Variants in LDLRAD4 observed in about 807,000 individuals in gnomAD.
The protein encoded by LDLRAD4 is low-density lipoprotein receptor class A domain-containing protein 4.
LDLRAD4 carries 5 observed loss-of-function variants against 17.0 expected under a neutral mutation model. The ratio of observed to expected loss-of-function variants is 0.29; its 90% CI spans 0.15 to 0.62. The LOEUF (loss-of-function observed/expected upper bound fraction) is 0.62, where lower values mean the gene tolerates loss of function less well. Among genes scored for constraint, LDLRAD4 ranks in the 20% least tolerant of loss-of-function variants. The probability of loss-of-function intolerance (pLI) is 0.84; values close to 1 mark genes in which losing one functional copy is unlikely to be tolerated. For synonymous variants in LDLRAD4, 168 were observed against 171.8 expected, an observed-to-expected ratio of 0.98 and a Z score of 0.17; for missense variants, 340 against 424.7, an observed-to-expected ratio of 0.80 and a Z score of 1.75.
intron 1 of LDLRAD4, among the ~76,000 whole-genome samples, chr18:13,329,929 A>G (rs1443663094): frequency 6.6e-6 from 1 of 150,590 alleles, no homozygotes; most frequent in Admixed American, 6.6e-5. Context: ...TTCTACATGT[A>G]TCCTTATCTG....
At chr18:13,595,002 A>G (rs541987222) in intron 3 of LDLRAD4, among the ~76,000 whole-genome samples, 3 of 152,024 alleles carry the variant, frequency 2.0e-5, no homozygotes, top group African/African-American at 7.2e-5. Context: ...TTCATTTCGT[A>G]CAAGTTATCT....
At chr18:13,268,013 C>A (rs1444582182) in intron 1 of LDLRAD4, among the ~76,000 whole-genome samples, 1 of 152,198 alleles carries the variant, frequency 6.6e-6, no homozygotes, top group Non-Finnish European at 1.5e-5. Context: ...CAACTACTAC[C>A]CCCAGTGCAC....
chr18:13,370,706 T>C (rs1195214479), intron 1 of LDLRAD4, among the ~76,000 whole-genome samples: 1 of 61,516 alleles, frequency 1.6e-5, no homozygotes, highest in Non-Finnish European at 3.5e-5. Flanking sequence ...TCATGGTTTT[T>C]TGTTTTGTTT....
intron 3 of LDLRAD4, among the ~76,000 whole-genome samples, chr18:13,562,441 T>A (rs568105271): frequency 1.2e-3 from 183 of 152,378 alleles, no homozygotes; most frequent in African/African-American, 3.8e-3. Context: ...TTACATTTTT[T>A]AAATTTTAAT....
intron 1 of LDLRAD4, among the ~76,000 whole-genome samples, chr18:13,281,749 C>T (rs1341744406): frequency 1.3e-5 from 2 of 152,162 alleles, no homozygotes; most frequent in Non-Finnish European, 2.9e-5. Flanking sequence ...TGGGACCCCT[C>T]TCTGTGTCTC....
chr18:13,512,930 C>T (rs1198517484), intron 3 of LDLRAD4, among the ~76,000 whole-genome samples: 2 of 152,200 alleles, frequency 1.3e-5, no homozygotes, highest in African/African-American at 4.8e-5. Context: ...CCTATCCTGT[C>T]TTCTCTCACT....
At chr18:13,609,338 G>A (rs1299492468) in intron 3 of LDLRAD4, among the ~76,000 whole-genome samples, 1 of 152,188 alleles carries the variant, frequency 6.6e-6, no homozygotes, top group Non-Finnish European at 1.5e-5. Flanking sequence ...CCTTTCTGAA[G>A]CACCATCTTC....
At chr18:13,548,206 A>G (rs2094391460) in intron 3 of LDLRAD4, among the ~76,000 whole-genome samples, 1 of 152,156 alleles carries the variant, frequency 6.6e-6, no homozygotes, top group South Asian at 2.1e-4. Flanking sequence ...GAAGGGAGGA[A>G]GTAGATGCTG....
chr18:13,299,615 A>G (rs1386663094), intron 1 of LDLRAD4, among the ~76,000 whole-genome samples: 2 of 152,212 alleles, frequency 1.3e-5, no homozygotes, highest in Non-Finnish European at 2.9e-5. Flanking sequence ...AGGTCGAGGC[A>G]GGAGGATCAC....
chr18:13,503,779 T>TA (rs751868220), intron 3 of LDLRAD4, among the ~76,000 whole-genome samples: 13 of 7,006 alleles, frequency 1.9e-3, no homozygotes, highest in East Asian at 8.5e-3. Context: ...GGCTCTTGTT[T>TA]TAAAAAAAAA....
At chr18:13,618,082 C>T (rs1285606032) in intron 3 of LDLRAD4, among the ~76,000 whole-genome samples, 2 of 152,242 alleles carry the variant, frequency 1.3e-5, no homozygotes, top group African/African-American at 4.8e-5. Context: ...AAGCAAGCCA[C>T]CTGAACAGCC....
intron 1 of LDLRAD4, among the ~76,000 whole-genome samples, chr18:13,225,149 T>C (rs184305882): frequency 1.3e-5 from 2 of 152,348 alleles, no homozygotes; most frequent in African/African-American, 4.8e-5. Flanking sequence ...AGTCTCTGTT[T>C]TGCTCCATGA....
intron 3 of LDLRAD4, among the ~76,000 whole-genome samples, chr18:13,601,369 A>C (rs1198128426): frequency 1.3e-5 from 2 of 152,238 alleles, no homozygotes; most frequent in Non-Finnish European, 2.9e-5. Context: ...CAAACATAGG[A>C]AAAAATGCTC....
chr18:13,316,847 AAAGT>A (rs1423905328), intron 1 of LDLRAD4, among the ~76,000 whole-genome samples: 3 of 152,222 alleles, frequency 2.0e-5, no homozygotes, highest in African/African-American at 7.2e-5. Flanking sequence ...AATCCAAAAG[AAAGT>A]AAGAAGGGAG....
intron 1 of LDLRAD4, among the ~76,000 whole-genome samples, chr18:13,235,509 C>T (rs2042291791): frequency 6.6e-6 from 1 of 152,210 alleles, no homozygotes; most frequent in Admixed American, 6.5e-5. Flanking sequence ...TGCTTTTATT[C>T]TGGTATTAGT....
intron 1 of LDLRAD4, among the ~76,000 whole-genome samples, chr18:13,221,733 G>T (rs541381534): frequency 6.6e-6 from 1 of 152,292 alleles, no homozygotes; most frequent in South Asian, 2.1e-4. Flanking sequence ...TTTAAGAATG[G>T]ATTGCTTTTC....
At chr18:13,503,369 C>T (rs1213223409) in intron 3 of LDLRAD4, among the ~76,000 whole-genome samples, 1 of 152,210 alleles carries the variant, frequency 6.6e-6, no homozygotes, top group Non-Finnish European at 1.5e-5. Flanking sequence ...CAGCCGGCAG[C>T]GTGGTCCCTG....
intron 2 of LDLRAD4, among the ~76,000 whole-genome samples, chr18:13,388,936 T>G (rs1432335855): frequency 6.6e-6 from 1 of 152,206 alleles, no homozygotes; most frequent in Non-Finnish European, 1.5e-5. Flanking sequence ...TCAGGGCCCG[T>G]GCTGGTTAGC....
At chr18:13,605,894 G>A (rs1218351496) in intron 3 of LDLRAD4, among the ~76,000 whole-genome samples, 1 of 152,134 alleles carries the variant, frequency 6.6e-6, no homozygotes, top group African/African-American at 2.4e-5. Flanking sequence ...CTGAAATGGT[G>A]ACATGCACAT....
Sources: allele counts gnomAD v4.1 joint callset (sites outside exome capture counted in the v4.1 genomes callset), GRCh38; gene constraint gnomAD v4.1.1; transcripts MANE v1.5; gene names NCBI Gene and HGNC (gene_info 2026-07-23, HGNC 2026-07-21).